Variants in ZNF503 observed in about 807,000 individuals in gnomAD.
The protein encoded by ZNF503 is NocA-like zinc finger 2.
In ZNF503, 15 loss-of-function variants were observed where a neutral mutation model predicts 34.4. The ratio of observed to expected loss-of-function variants is 0.44; its 90% CI spans 0.29 to 0.67. ZNF503 has a LOEUF of 0.67. Ranked by LOEUF, ZNF503 falls within the 30% of genes least tolerant of loss-of-function variation. ZNF503 has a pLI of 0.13. For synonymous variants in ZNF503, 580 were observed against 456.8 expected, an observed-to-expected ratio of 1.27 and a Z score of -3.44; for missense variants, 1,007 against 926.8, an observed-to-expected ratio of 1.09 and a Z score of -1.12.
chr10:75,305,748 G>C, the ZNF503 span, among the ~76,000 whole-genome samples: 1 of 152,092 alleles, frequency 6.6e-6, no homozygotes, highest in East Asian at 1.9e-4. Context: ...ACCTCATAGA[G>C]GTGGAATCAT....
upstream of ZNF503, chr10:75,401,896 G>A (rs951641678): frequency 5.2e-6 from 1 of 191,080 alleles, no homozygotes; most frequent in South Asian, 1.1e-4. Flanking sequence ...CGCCGCCGCC[G>A]CCGCTGCCAG....
At chr10:75,335,012 TC>T in the ZNF503 span, among the ~76,000 whole-genome samples, 1 of 152,178 alleles carries the variant, frequency 6.6e-6, no homozygotes, top group African/African-American at 2.4e-5. Context: ...ATCCACCATA[TC>T]CAGAAGCAAA....
the ZNF503 span, among the ~76,000 whole-genome samples, chr10:75,378,960 G>C: frequency 2.1e-3 from 321 of 152,174 alleles, no homozygotes; most frequent in African/African-American, 7.4e-3. Flanking sequence ...CTACCACCCT[G>C]TCTGTTCCTC....
chr10:75,346,001 C>G, the ZNF503 span, among the ~76,000 whole-genome samples: 1 of 152,192 alleles, frequency 6.6e-6, no homozygotes, highest in Admixed American at 6.5e-5. Flanking sequence ...CATCAGTAAC[C>G]TCTTGTGGCA....
At chr10:75,318,947 CCT>C in the ZNF503 span, among the ~76,000 whole-genome samples, 1 of 148,866 alleles carries the variant, frequency 6.7e-6, no homozygotes, top group Non-Finnish European at 1.5e-5. Flanking sequence ...TCCTTCCTTC[CCT>C]CTCTCTCTCT....
At chr10:75,381,805 C>CTATTTTTTTTTTTTT in the ZNF503 span, among the ~76,000 whole-genome samples, 1 of 38,652 alleles carries the variant, frequency 2.6e-5, no homozygotes, top group African/African-American at 1.1e-4. Context: ...GAACCTAATT[C>CTATTTTTTTTTTTTT]TTTTTTTTTT....
the ZNF503 span, among the ~76,000 whole-genome samples, chr10:75,374,188 T>A: frequency 6.6e-6 from 1 of 152,084 alleles, no homozygotes; most frequent in Non-Finnish European, 1.5e-5. Flanking sequence ...GGTGCACAAC[T>A]GTGGATGCAA....
At chr10:75,305,744 T>C in the ZNF503 span, among the ~76,000 whole-genome samples, 1 of 152,192 alleles carries the variant, frequency 6.6e-6, no homozygotes, top group Non-Finnish European at 1.5e-5. Flanking sequence ...AGGTACCTCA[T>C]AGAGGTGGAA....
At chr10:75,333,534 C>G in the ZNF503 span, among the ~76,000 whole-genome samples, 1 of 56,668 alleles carries the variant, frequency 1.8e-5, no homozygotes, top group Non-Finnish European at 3.4e-5. Context: ...TAGGGGCGGC[C>G]GGGCAGAGGC....
chr10:75,293,666 C>A, the ZNF503 span, among the ~76,000 whole-genome samples: 1 of 151,060 alleles, frequency 6.6e-6, no homozygotes, highest in Non-Finnish European at 1.5e-5. Context: ...TGTGTGTGTG[C>A]GCATGTGTGT....
chr10:75,338,883 T>C, the ZNF503 span, among the ~76,000 whole-genome samples: 1 of 152,226 alleles, frequency 6.6e-6, no homozygotes, highest in Non-Finnish European at 1.5e-5. Flanking sequence ...GTCTCTACCC[T>C]AAGCCTCCTC....
Position 75,398,642 on chromosome 10 carries a change from T to A in ZNF503, c.*107A>T. 9.5e-7 allele frequency: 1 copy of A among 1,057,562 alleles called. No homozygotes were observed. The highest frequency in any genetic ancestry group is 1.2e-6 in the Non-Finnish European group (1 of 817,836). 65.5% of individuals were successfully genotyped at this position (1,057,562 alleles called of 1,614,324 possible). The stretch of plus-strand genomic sequence containing the variant: ...CATTTCTTTCCTTTCGTGGCCCGAG[T>A]CCTCCCCACGCGCGGGTGTCAGCAG... On this transcript the variant is annotated 3_prime_UTR_variant, in exon 2 of 2. Transcript: ENST00000372524.
At chr10:75,308,904 T>C in the ZNF503 span, among the ~76,000 whole-genome samples, 1 of 152,190 alleles carries the variant, frequency 6.6e-6, no homozygotes, top group Admixed American at 6.5e-5. Context: ...TGCAGTGGTG[T>C]GATCTTGGCT....
chr10:75,371,159 C>A, the ZNF503 span, among the ~76,000 whole-genome samples: 6 of 152,256 alleles, frequency 3.9e-5, no homozygotes, highest in African/African-American at 9.6e-5. Flanking sequence ...AGGCACTGTG[C>A]CTGGAGCGGA....
At chr10:75,293,249 G>A in the ZNF503 span, among the ~76,000 whole-genome samples, 1 of 152,176 alleles carries the variant, frequency 6.6e-6, no homozygotes, top group East Asian at 1.9e-4. Context: ...CTGCCCTCAA[G>A]TAGCTTCAAG....
At chr10:75,393,733 T>C (rs2131982007), downstream of ZNF503, among the ~76,000 whole-genome samples, 1 of 152,024 alleles carries the variant, frequency 6.6e-6, no homozygotes, top group South Asian at 2.1e-4. Flanking sequence ...GTGGTGCACG[T>C]CTGTAATTTT....
At chr10:75,288,121 G>A in the ZNF503 span, among the ~76,000 whole-genome samples, 1,301 of 152,358 alleles carry the variant, frequency 8.5e-3, 25 homozygotes, top group African/African-American at 0.029. Flanking sequence ...AGATGATCCT[G>A]CCCTGTCGGG....
chr10:75,348,378 T>A, the ZNF503 span, among the ~76,000 whole-genome samples: 1 of 151,646 alleles, frequency 6.6e-6, no homozygotes, highest in Non-Finnish European at 1.5e-5. Context: ...TTGAAATTTT[T>A]GGAGAGACAA....
the ZNF503 span, among the ~76,000 whole-genome samples, chr10:75,337,587 C>A: frequency 1.3e-5 from 2 of 151,002 alleles, no homozygotes; most frequent in African/African-American, 4.9e-5. Flanking sequence ...CACTGCCCTC[C>A]AGCCTGGGTG....
Sources: gnomAD v4.1 joint callset for allele counts (sites outside exome capture counted in the v4.1 genomes callset) on GRCh38, gnomAD v4.1.1 for gene constraint, MANE v1.5 for transcripts, NCBI Gene and HGNC (gene_info 2026-07-23, HGNC 2026-07-21) for gene names.